EDEM2: variants seen among roughly 807,000 people sequenced by gnomAD.
EDEM2 encodes the protein ER degradation-enhancing alpha-mannosidase-like protein 2.
In EDEM2, 39 loss-of-function variants were observed where a neutral mutation model predicts 64.8. That is an observed-to-expected ratio of 0.60 (90% CI 0.47 to 0.79). The LOEUF (loss-of-function observed/expected upper bound fraction) is 0.79. Among genes scored for constraint, EDEM2 ranks in the 30% least tolerant of loss-of-function variants. The probability of loss-of-function intolerance (pLI) is 0.00; values close to 1 mark genes in which losing one functional copy is unlikely to be tolerated. For synonymous variants in EDEM2, 296 were observed against 291.5 expected, an observed-to-expected ratio of 1.02 and a Z score of -0.16; for missense variants, 609 against 731.3, an observed-to-expected ratio of 0.83 and a Z score of 1.93.
At chr20:35,130,539 G>GT (rs1273210806) in intron 7 of EDEM2, among the ~76,000 whole-genome samples, 2 of 151,988 alleles carry the variant, frequency 1.3e-5, no homozygotes, top group African/African-American at 4.8e-5. Flanking sequence ...AAATATCTTT[G>GT]TTTTTTTAGA....
intron 2 of EDEM2, among the ~76,000 whole-genome samples, chr20:35,146,039 A>T (rs1225350783): frequency 1.3e-5 from 2 of 151,150 alleles, no homozygotes; most frequent in Non-Finnish European, 2.9e-5. Context: ...GTATTTTATT[A>T]TATGTAAATT....
At chr20:35,146,773 G>GAGGCCCAGAGAGTC in intron 2 of EDEM2, 52 bp downstream of exon 2, 2 of 1,587,970 alleles carry the variant, frequency 1.3e-6, no homozygotes, top group Non-Finnish European at 8.6e-7. Flanking sequence ...CCCGCCCGCC[G>GAGGCCCAGAGAGTC]AGGCCCAGAG....
chr20:35,120,844 G>A (rs1278959179), intron 9 of EDEM2, among the ~76,000 whole-genome samples: 3 of 151,950 alleles, frequency 2.0e-5, no homozygotes, highest in Admixed American at 6.6e-5. Flanking sequence ...TTGATCCACC[G>A]CCTTGGCCTC....
Position 35,131,794 on chromosome 20 carries a change from G to A in EDEM2, c.703-11C>T. On this transcript the variant is annotated splice_polypyrimidine_tract_variant and intron_variant, in intron 6 of 10. Transcript: ENST00000374492. ...AATGTGGTTGCCGACCTGAGAGAGA[G>A]AAAGACACACGGTCCCAACGGGAAG... The A allele has an allele frequency of 6.2e-7, 1 of 1,612,796 alleles. No individual in the cohort carries two copies. The highest frequency in any genetic ancestry group is 8.5e-7 in the Non-Finnish European group (1 of 1,179,154).
intron 4 of EDEM2, among the ~76,000 whole-genome samples, chr20:35,138,658 C>A (rs2085611348): frequency 6.6e-6 from 1 of 151,404 alleles, no homozygotes; most frequent in South Asian, 2.1e-4. Context: ...CGGCTCACTG[C>A]AAGCTCCGCC....
chr20:35,130,625 G>T (rs1020536244), intron 7 of EDEM2, among the ~76,000 whole-genome samples: 29 of 152,074 alleles, frequency 1.9e-4, no homozygotes, highest in Non-Finnish European at 3.7e-4. Flanking sequence ...AAAAAACTGG[G>T]ACTACAGGCG....
chr20:35,124,132 G>C (rs1195166688), intron 8 of EDEM2, 98 bp from the exon 9 acceptor site: 1 of 1,460,364 alleles, frequency 6.8e-7, no homozygotes, highest in African/African-American at 1.4e-5. Context: ...GGGCCAAAAA[G>C]GCCTTGAATC....
intron 1 of EDEM2, 67 bp from the exon 2 acceptor site, chr20:35,147,002 A>G (rs2085743185): frequency 6.4e-6 from 10 of 1,569,966 alleles, no homozygotes; most frequent in Middle Eastern, 3.3e-4. Flanking sequence ...AGAACAAGAT[A>G]CAGGGCGGAA....
chr20:35,127,912 T>G (rs2085456134), intron 7 of EDEM2, among the ~76,000 whole-genome samples: 1 of 152,262 alleles, frequency 6.6e-6, no homozygotes, highest in Non-Finnish European at 1.5e-5. Context: ...GTTGTAATTT[T>G]ATAATGCAAT....
chr20:35,124,627 C>T (rs898812993), intron 8 of EDEM2, among the ~76,000 whole-genome samples: 4 of 152,150 alleles, frequency 2.6e-5, no homozygotes, highest in Non-Finnish European at 5.9e-5. Context: ...CTCAGCCTTC[C>T]AAAGTGCTGG....
chr20:35,126,295 T>C lies in EDEM2; in HGVS notation c.925A>G (p.Met309Val). Residue 309 changes from methionine to valine, a missense_variant, in exon 8 of 11, where the codon ATG (methionine) becomes GTG (valine). By Grantham distance (21) the Met-to-Val change is conservative (BLOSUM62 1). Transcript: ENST00000374492. ...GCCTCCAAGGACTGGAAGACTGGCA[T>C]GGACACAGTCCCCTTGTACATCTGA... is the stretch of plus-strand genomic sequence containing the variant. ...WVQMYKGTVS[M>V]PVFQSLEAYW... 1 of 1,614,076 alleles carries C rather than the reference T, an allele frequency of 6.2e-7. No individual in the cohort carries two copies. The highest frequency in any genetic ancestry group is 8.5e-7 in the Non-Finnish European group (1 of 1,180,038).
chr20:35,132,421 G>C (rs2085517398), intron 6 of EDEM2, among the ~76,000 whole-genome samples: 2 of 152,030 alleles, frequency 1.3e-5, no homozygotes, highest in South Asian at 4.1e-4. Context: ...GGGAGGCTGA[G>C]GGGGGCAAAA....
intron 8 of EDEM2, among the ~76,000 whole-genome samples, chr20:35,124,733 T>C (rs1310802379): frequency 6.6e-6 from 1 of 152,150 alleles, no homozygotes; most frequent in East Asian, 1.9e-4. Flanking sequence ...GTATATGTTA[T>C]TTTCCCCACA....
chr20:35,142,286 C>A, intron 4 of EDEM2, 87 bp downstream of exon 4: 1 of 1,100,830 alleles, frequency 9.1e-7, no homozygotes, highest in Non-Finnish European at 1.3e-6. Flanking sequence ...CATGGTCAGT[C>A]CTTAAAATCC....
intron 9 of EDEM2, among the ~76,000 whole-genome samples, chr20:35,123,037 C>G (rs1343946919): frequency 6.6e-6 from 1 of 152,116 alleles, no homozygotes; most frequent in Admixed American, 6.6e-5. Flanking sequence ...TGAAGTGAAT[C>G]AAATGACATT....
intron 10 of EDEM2, 136 bp downstream of exon 10, chr20:35,118,462 A>AATTATT: frequency 7.4e-7 from 1 of 1,343,932 alleles, no homozygotes; most frequent in Non-Finnish European, 1.0e-6. Flanking sequence ...CCATCTGTAA[A>AATTATT]ATATGAGCAT....
In EDEM2 at chr20:35,118,510, T is replaced by C. The variant is rs1011285329; in HGVS notation, c.1236+88A>G. 1.2e-5 allele frequency: 19 copies of C among 1,592,402 alleles called. No homozygotes were observed. The Admixed American group carries it at 2.4e-4, about 20-fold the overall frequency. On this transcript the variant is annotated intron_variant, in intron 10 of 10. Coordinates refer to ENST00000374492, the MANE Select transcript of EDEM2 (RefSeq NM_018217.3). Reference sequence around the variant, plus strand: ...CAAGGTCCCTTCTAGTGCTGATATGTCAGAACTCCCAAAGCTCTACCCTTA... The same window carrying C: ...CAAGGTCCCTTCTAGTGCTGATATGCCAGAACTCCCAAAGCTCTACCCTTA...
intron 10 of EDEM2, among the ~76,000 whole-genome samples, chr20:35,116,956 AT>A (rs1233032844): frequency 2.0e-5 from 3 of 151,624 alleles, no homozygotes; most frequent in Non-Finnish European, 4.4e-5. Context: ...CACCCAGGTA[AT>A]TTTTTTTGTA....
intron 8 of EDEM2, among the ~76,000 whole-genome samples, chr20:35,125,201 C>CTT (rs11468187): frequency 5.5e-5 from 7 of 127,982 alleles, no homozygotes; most frequent in Non-Finnish European, 6.5e-5. Context: ...CCGGTGGCCA[C>CTT]TTTTTTTTTT....
Sources: allele counts gnomAD v4.1 joint callset (sites outside exome capture counted in the v4.1 genomes callset), GRCh38; gene constraint gnomAD v4.1.1; transcripts MANE v1.5; gene names NCBI Gene and HGNC (gene_info 2026-07-23, HGNC 2026-07-21).